Variants in TMEM150C observed in about 807,000 individuals in gnomAD.
TMEM150C encodes the protein transmembrane protein 150C.
Under a neutral mutation model 29.9 loss-of-function variants are expected in TMEM150C, and 10 were observed. That is an observed-to-expected ratio of 0.33 (90% CI 0.21 to 0.57). TMEM150C has a LOEUF of 0.57. Ranked by LOEUF, TMEM150C falls within the 20% of genes least tolerant of loss-of-function variation. TMEM150C has a pLI of 0.88. For missense variants in TMEM150C, 251 were observed against 303.6 expected, an observed-to-expected ratio of 0.83 and a Z score of 1.29; for synonymous variants, 101 against 112.5, an observed-to-expected ratio of 0.90 and a Z score of 0.64.
chr4:82,561,035 CA>C (rs1452158024), intron 1 of TMEM150C, among the ~76,000 whole-genome samples: 1 of 152,070 alleles, frequency 6.6e-6, no homozygotes, highest in Non-Finnish European at 1.5e-5. Flanking sequence ...TAAACCTGAC[CA>C]AAAAGATCAG....
chr4:82,554,012 A>G (rs1305046648), intron 1 of TMEM150C, among the ~76,000 whole-genome samples: 1 of 152,212 alleles, frequency 6.6e-6, no homozygotes, highest in Non-Finnish European at 1.5e-5. Context: ...TTCCTCAAGA[A>G]CAATTCTATT....
Position 82,490,931 on chromosome 4 carries a change from A to G in TMEM150C, c.364-693T>C, listed in dbSNP as rs571145848. The G allele has an allele frequency of 1.1e-3, 789 of 722,582 alleles. 2 individuals carry two copies. Among genetic ancestry groups the G allele is most frequent in the Non-Finnish European group, 1.6e-3 (634 of 392,142 alleles). The allele number at this position is 722,582 out of a possible 1,614,324, so 44.8% of individuals were successfully genotyped here. ...TGCCTCCCCAGTGATGGCGGATCTC[A>G]TCGGATCTGTTTTTGTAATTGGTCC... On this transcript the variant is annotated intron_variant, in intron 6 of 7. Coordinates refer to ENST00000449862, the MANE Select transcript of TMEM150C (RefSeq NM_001080506.3).
intron 5 of TMEM150C, among the ~76,000 whole-genome samples, chr4:82,498,814 A>G (rs1290515067): frequency 6.6e-6 from 1 of 152,166 alleles, no homozygotes. Context: ...TAAACACAGG[A>G]CATGCAACAT....
intron 1 of TMEM150C, among the ~76,000 whole-genome samples, chr4:82,540,445 C>T (rs192418254): frequency 6.6e-6 from 1 of 151,846 alleles, no homozygotes; most frequent in Non-Finnish European, 1.5e-5. Flanking sequence ...TGTTTCACTA[C>T]CTGGGAAGCT....
intron 1 of TMEM150C, among the ~76,000 whole-genome samples, chr4:82,541,865 A>G (rs1345752224): frequency 6.6e-6 from 1 of 152,212 alleles, no homozygotes; most frequent in Non-Finnish European, 1.5e-5. Flanking sequence ...AGAAATATAT[A>G]CTTATGGTTC....
intron 5 of TMEM150C, among the ~76,000 whole-genome samples, chr4:82,496,580 G>A (rs1353873632): frequency 1.3e-5 from 2 of 152,166 alleles, no homozygotes; most frequent in African/African-American, 4.8e-5. Flanking sequence ...AGGACAGACT[G>A]GCTTAGGAGA....
chr4:82,545,822 G>A (rs1377160392), intron 1 of TMEM150C, among the ~76,000 whole-genome samples: 1 of 152,126 alleles, frequency 6.6e-6, no homozygotes, highest in Non-Finnish European at 1.5e-5. Context: ...CTACTCGGGA[G>A]GTTGAGGCAT....
rs201972992 is a variant in TMEM150C, at chr4:82,490,089, C to T, written c.513G>A (p.Ser171=). Residue 171 remains serine, a synonymous_variant, in exon 7 of 8, where the codon TCG becomes TCA. Coordinates refer to ENST00000449862, the MANE Select transcript of TMEM150C (RefSeq NM_001080506.3). The stretch of plus-strand genomic sequence containing the variant: ...GGACCACACAGAGAGTGATAGATGC[C>T]GACAGAATAACCCGTGGAATTCCAA... ...RRVGIPRVIL[S]ASITLCVVLY... The T allele has an allele frequency of 2.3e-5, 37 of 1,613,816 alleles. No individual in the cohort carries two copies. Among genetic ancestry groups the T allele is most frequent in the Middle Eastern group, 1.6e-4 (1 of 6,084 alleles).
rs534026676 is a variant in TMEM150C, at chr4:82,496,680, A to G, written c.236-485T>C. 2.0e-5 allele frequency among the ~76,000 whole-genome samples: 3 copies of G among 152,358 alleles called. No individual in the cohort carries two copies. In the South Asian group the frequency reaches 6.2e-4, roughly 32 times the overall value. On this transcript the variant is annotated intron_variant, in intron 5 of 7. Transcript: ENST00000449862. ...TTAGCTTAGAACAGTGTGGAAAATA[A>G]TGATAGGGCAGGAACATAATGGGAA...
chr4:82,512,006 C>T (rs938222379), intron 1 of TMEM150C, among the ~76,000 whole-genome samples: 1 of 152,324 alleles, frequency 6.6e-6, no homozygotes, highest in East Asian at 1.9e-4. Flanking sequence ...ATGTGCTCAG[C>T]CCAAGGCTAT....
intron 1 of TMEM150C, among the ~76,000 whole-genome samples, chr4:82,544,811 C>T (rs1269975217): frequency 6.7e-6 from 1 of 149,608 alleles, no homozygotes; most frequent in East Asian, 1.9e-4. Flanking sequence ...GTTTTTCAGT[C>T]TTCCAAGATT....
chr4:82,495,754 C>A (rs920474009), intron 6 of TMEM150C: 1 of 368,464 alleles, frequency 2.7e-6, no homozygotes, highest in Non-Finnish European at 5.3e-6. Flanking sequence ...GACCACATAA[C>A]CCTTCCATTC....
At position 82,505,872 on chromosome 4, in the gene TMEM150C, T is replaced by C. The variant is rs116367063; in HGVS notation, c.-10-1205A>G. On this transcript the variant is annotated intron_variant, in intron 1 of 7. Transcript: ENST00000449862. ...AGTATTAAACATAAAGAAATAACTATCACTTTATGCCTTAACTGCCAGACA... is the reference window on the plus strand; with the variant it reads ...AGTATTAAACATAAAGAAATAACTACCACTTTATGCCTTAACTGCCAGACA... 8.8e-3 allele frequency among the ~76,000 whole-genome samples: 1,338 copies of C among 152,264 alleles called. 24 individuals are homozygous for C. The highest frequency in any genetic ancestry group is 0.03 in the African/African-American group (1,234 of 41,544).
intron 1 of TMEM150C, among the ~76,000 whole-genome samples, chr4:82,522,196 C>T (rs75907689): frequency 0.032 from 4,865 of 152,268 alleles, 128 homozygotes; most frequent in Non-Finnish European, 0.05. Flanking sequence ...AGCTCCCTGC[C>T]TTGGGAGTCC....
intron 1 of TMEM150C, among the ~76,000 whole-genome samples, chr4:82,518,492 TA>T (rs1288466619): frequency 6.6e-6 from 1 of 152,188 alleles, no homozygotes; most frequent in Non-Finnish European, 1.5e-5. Flanking sequence ...GCTGTCCCTT[TA>T]CAGCTTTTTA....
At chr4:82,550,785 G>T (rs1427960410) in intron 1 of TMEM150C, among the ~76,000 whole-genome samples, 1 of 149,600 alleles carries the variant, frequency 6.7e-6, no homozygotes, top group Non-Finnish European at 1.5e-5. Context: ...GCGAGACTCC[G>T]TCTCAAAAAA....
At chr4:82,533,006 G>T (rs900329400) in intron 1 of TMEM150C, among the ~76,000 whole-genome samples, 1 of 152,188 alleles carries the variant, frequency 6.6e-6, no homozygotes, top group Non-Finnish European at 1.5e-5. Context: ...AGGATTACAG[G>T]TGTGAGCCAC....
intron 1 of TMEM150C, among the ~76,000 whole-genome samples, chr4:82,525,218 C>A (rs576853176): frequency 2.6e-5 from 4 of 152,026 alleles, no homozygotes; most frequent in Non-Finnish European, 5.9e-5. Context: ...AGTGAATTTG[C>A]GTGTTTGGAA....
At chr4:82,547,976 G>A (rs922183379) in intron 1 of TMEM150C, among the ~76,000 whole-genome samples, 3 of 152,172 alleles carry the variant, frequency 2.0e-5, no homozygotes, top group Non-Finnish European at 2.9e-5. Flanking sequence ...TGGGGAACTG[G>A]TCCAAGAAAA....
Sources: allele counts gnomAD v4.1 joint callset (sites outside exome capture counted in the v4.1 genomes callset), GRCh38; gene constraint gnomAD v4.1.1; transcripts MANE v1.5; gene names NCBI Gene and HGNC (gene_info 2026-07-23, HGNC 2026-07-21).